Variants in ZBTB16 observed in about 807,000 individuals in gnomAD.
ZBTB16 encodes zinc finger and BTB domain-containing protein 16.
In ZBTB16, 8 loss-of-function variants were observed where a neutral mutation model predicts 56.8. The ratio of observed to expected loss-of-function variants is 0.14; its 90% CI spans 0.08 to 0.25. The LOEUF is 0.25. Ranked by LOEUF, ZBTB16 falls within the 10% of genes least tolerant of loss-of-function variation. The pLI is 1.00. For missense variants in ZBTB16, 625 were observed against 903.0 expected (o/e 0.69, Z 3.95); for synonymous variants, 363 against 368.5 (o/e 0.98, Z 0.17).
intron 4 of ZBTB16, among the ~76,000 whole-genome samples, chr11:114,239,619 G>A (rs1216541458): frequency 6.6e-6 from 1 of 152,206 alleles, no homozygotes; most frequent in South Asian, 2.1e-4. Context: ...GTGAAGCTGA[G>A]TAGACTACTC....
chr11:114,159,448 A>G (rs1321140169), intron 3 of ZBTB16, among the ~76,000 whole-genome samples: 3 of 152,160 alleles, frequency 2.0e-5, no homozygotes, highest in Non-Finnish European at 4.4e-5. Flanking sequence ...ACCCTTGCAG[A>G]TAGCTCACGG....
At chr11:114,233,115 ACACACACACACTCTCT>A (rs779659546) in intron 4 of ZBTB16, among the ~76,000 whole-genome samples, 6,509 of 55,658 alleles carry the variant, frequency 0.12, 379 homozygotes, top group Middle Eastern at 0.15. Context: ...ACACACACAC[ACACACACACACTCTCT>A]CTCTCTCACA....
At chr11:114,125,102 TA>T (rs756824283) in intron 2 of ZBTB16, among the ~76,000 whole-genome samples, 1,974 of 149,068 alleles carry the variant, frequency 0.013, 42 homozygotes, top group East Asian at 0.033. Flanking sequence ...CTATTGGAGT[TA>T]AAAAAAAAAT....
intron 2 of ZBTB16, among the ~76,000 whole-genome samples, chr11:114,087,164 G>A (rs190202934): frequency 4.3e-4 from 65 of 152,316 alleles, no homozygotes; most frequent in Middle Eastern, 3.4e-3. Context: ...TCACGGGAAA[G>A]ATGGTGGTTG....
chr11:114,078,236 A>G (rs1939638514), intron 2 of ZBTB16, among the ~76,000 whole-genome samples: 1 of 152,218 alleles, frequency 6.6e-6, no homozygotes, highest in Admixed American at 6.5e-5. Context: ...TGGGTTGCCT[A>G]TGCCCACATT....
rs1397508114 is a variant in ZBTB16 at position 114,143,368 on chromosome 11, C to T, written c.1269-12969C>T. ...GAGACAGAGAAACAAGCAGATGCAC[C>T]CTAGTGAGTACATCTGCTCCAACAG... On this transcript the variant is annotated intron_variant, in intron 2 of 6. Coordinates refer to ENST00000335953, the MANE Select transcript of ZBTB16 (RefSeq NM_006006.6). This position sits in a 1 kb window ranked among gnomAD's most constrained non-coding sequence, Gnocchi z 6.4. Among the ~76,000 whole-genome samples, 1 of 152,020 alleles carries T rather than the reference C, an allele frequency of 6.6e-6. No individual in the cohort carries two copies. Among genetic ancestry groups the T allele is most frequent in the Non-Finnish European group, 1.5e-5 (1 of 68,016 alleles).
intron 4 of ZBTB16, among the ~76,000 whole-genome samples, chr11:114,190,730 TAC>T (rs746167648): frequency 0.064 from 9,120 of 143,258 alleles, 504 homozygotes; most frequent in African/African-American, 0.15. Context: ...CTCTCTCTCA[TAC>T]ACACACACAC....
intron 2 of ZBTB16, among the ~76,000 whole-genome samples, chr11:114,067,235 T>C (rs1343459175): frequency 2.0e-5 from 3 of 152,182 alleles, no homozygotes; most frequent in East Asian, 1.9e-4. Context: ...ATGGTCCTCA[T>C]TGGCTCTGAG....
At chr11:114,156,499 C>G in intron 3 of ZBTB16, 65 bp downstream of exon 3, 1 of 1,482,380 alleles carries the variant, frequency 6.7e-7, no homozygotes, top group African/African-American at 1.4e-5. Flanking sequence ...GCCTTTACCC[C>G]TCCTCAGAGC....
intron 2 of ZBTB16, among the ~76,000 whole-genome samples, chr11:114,090,017 G>C (rs116251468): frequency 1.3e-4 from 20 of 152,328 alleles, no homozygotes; most frequent in African/African-American, 4.8e-4. Flanking sequence ...TGTTCCTACA[G>C]TTAAGATCTT....
At chr11:114,097,593 AAC>A (rs1327240140) in intron 2 of ZBTB16, among the ~76,000 whole-genome samples, 2 of 152,216 alleles carry the variant, frequency 1.3e-5, no homozygotes, top group Non-Finnish European at 2.9e-5. Flanking sequence ...TTTTAAAAAA[AAC>A]ACACATCGCC....
chr11:114,060,826 C>A lies in ZBTB16; in HGVS notation c.-91+944C>A, dbSNP rs1329242300. Among the ~76,000 whole-genome samples the A allele has an allele frequency of 6.6e-6, 1 of 152,102 alleles. No homozygotes were observed. The highest frequency in any genetic ancestry group is 1.5e-5 in the Non-Finnish European group (1 of 67,996). On this transcript the variant is annotated intron_variant, in intron 1 of 6. Transcript: ENST00000335953. This position sits in a 1 kb window ranked among gnomAD's most constrained non-coding sequence, Gnocchi z 6.0. ...GGCCGCTGGCGCCGCTGGCCAGAGG[C>A]CTGGGACCCAGCCGGTCGCTCCCAG...
chr11:114,227,832 GTTTTTAAT>G (rs1171450117), intron 4 of ZBTB16, among the ~76,000 whole-genome samples: 3 of 152,166 alleles, frequency 2.0e-5, no homozygotes, highest in Non-Finnish European at 4.4e-5. Context: ...ACCAGGATTG[GTTTTTAAT>G]TTTTTAATTT....
At chr11:114,139,911 A>G (rs1941901553) in intron 2 of ZBTB16, among the ~76,000 whole-genome samples, 1 of 152,100 alleles carries the variant, frequency 6.6e-6, no homozygotes, top group African/African-American at 2.4e-5. Context: ...ATATGTCAGG[A>G]TAGGAAGGAC....
intron 2 of ZBTB16, among the ~76,000 whole-genome samples, chr11:114,104,692 C>G (rs893373900): frequency 4.6e-5 from 7 of 152,222 alleles, no homozygotes; most frequent in Non-Finnish European, 5.9e-5. Context: ...GGGAACAACT[C>G]ACCACAGGAC....
At chr11:114,206,074 G>T (rs1216777460) in intron 4 of ZBTB16, among the ~76,000 whole-genome samples, 1 of 152,180 alleles carries the variant, frequency 6.6e-6, no homozygotes, top group African/African-American at 2.4e-5. Flanking sequence ...TGTCAAGAGG[G>T]AGCCTGGCTG....
chr11:114,215,138 A>G lies in ZBTB16; in HGVS notation c.1454-27029A>G, dbSNP rs546539382. 1.2e-4 allele frequency among the ~76,000 whole-genome samples: 18 copies of G among 152,366 alleles called. No homozygotes were observed. The South Asian group carries it at 3.1e-3, about 26-fold the overall frequency. On this transcript the variant is annotated intron_variant, in intron 4 of 6. Coordinates refer to ENST00000335953, the MANE Select transcript of ZBTB16 (RefSeq NM_006006.6). The stretch of plus-strand genomic sequence containing the variant: ...TCTTTTATGTCCCTTAATGAGTGCT[A>G]TAAAAACAAGTGGTGAATCTAATTT...
intron 2 of ZBTB16, among the ~76,000 whole-genome samples, chr11:114,112,862 C>T (rs1464641675): frequency 1.3e-5 from 2 of 150,976 alleles, no homozygotes; most frequent in Non-Finnish European, 2.9e-5. Flanking sequence ...CTTCCAGGCA[C>T]AAGTGATCCT....
At chr11:114,238,660 C>A (rs1308723265) in intron 4 of ZBTB16, among the ~76,000 whole-genome samples, 6 of 152,132 alleles carry the variant, frequency 3.9e-5, no homozygotes, top group African/African-American at 1.4e-4. Context: ...TAGCAACCCT[C>A]GGTCCTTTCA....
Sources: allele counts gnomAD v4.1 joint callset (sites outside exome capture counted in the v4.1 genomes callset), GRCh38; gene constraint gnomAD v4.1.1; non-coding constraint Gnocchi (gnomAD v3.1); transcripts MANE v1.5; gene names NCBI Gene and HGNC (gene_info 2026-07-23, HGNC 2026-07-21).